The following SKIC3 variants were observed in gnomAD, a reference collection of about 807,000 sequenced individuals.
SKIC3 encodes the protein superkiller complex protein 3.
the SKIC3 span, among the ~76,000 whole-genome samples, chr5:95,485,374 A>G: frequency 6.6e-6 from 1 of 152,206 alleles, no homozygotes; most frequent in South Asian, 2.1e-4. Context: ...CAAATTTCAT[A>G]TAAGTGGAAT....
the SKIC3 span, among the ~76,000 whole-genome samples, chr5:95,523,994 G>T: frequency 6.6e-6 from 1 of 152,186 alleles, no homozygotes; most frequent in South Asian, 2.1e-4. Context: ...ATTTAAAACA[G>T]ACAGGAAAGC....
chr5:95,514,916 T>C, the SKIC3 span: 2 of 1,612,388 alleles, frequency 1.2e-6, 1 homozygote. Flanking sequence ...GAAAGCCTCA[T>C]GAGCTTGCTA....
the SKIC3 span, among the ~76,000 whole-genome samples, chr5:95,481,235 G>A: frequency 2.0e-5 from 3 of 152,058 alleles, no homozygotes; most frequent in East Asian, 3.9e-4. Flanking sequence ...GTTATGGGAG[G>A]GATCTGGTAG....
At chr5:95,541,966 CATTT>C in the SKIC3 span, 45 of 1,075,670 alleles carry the variant, frequency 4.2e-5, no homozygotes, top group African/African-American at 5.8e-4. Flanking sequence ...TTCTCACATT[CATTT>C]ATTTTGCTAA....
At chr5:95,514,243 A>AG in the SKIC3 span, among the ~76,000 whole-genome samples, 3 of 152,186 alleles carry the variant, frequency 2.0e-5, no homozygotes, top group African/African-American at 7.2e-5. Context: ...CACTCAGTCT[A>AG]ATCCCCTTCT....
chr5:95,543,969 A>G, the SKIC3 span, among the ~76,000 whole-genome samples: 1 of 152,262 alleles, frequency 6.6e-6, no homozygotes, highest in Non-Finnish European at 1.5e-5. Flanking sequence ...TGTTCTAGGG[A>G]AAGAAAAACA....
At chr5:95,491,161 T>G in the SKIC3 span, 334 of 1,364,472 alleles carry the variant, frequency 2.4e-4, 1 homozygote, top group Middle Eastern at 1.8e-4. Flanking sequence ...AATTTCACTT[T>G]CTCAAAGGAA....
chr5:95,523,210 T>G, the SKIC3 span: 3 of 1,613,830 alleles, frequency 1.9e-6, no homozygotes, highest in Non-Finnish European at 1.7e-6. Context: ...ACTCAGCCAC[T>G]GCTTGAGAAT....
chr5:95,508,436 C>T, the SKIC3 span, among the ~76,000 whole-genome samples: 2 of 152,202 alleles, frequency 1.3e-5, no homozygotes, highest in Non-Finnish European at 2.9e-5. Context: ...TTGTAGCACA[C>T]TGGCTTTCTT....
the SKIC3 span, chr5:95,529,982 C>A: frequency 6.4e-6 from 9 of 1,396,462 alleles, no homozygotes; most frequent in South Asian, 1.1e-4. Context: ...TACATTTTTT[C>A]CCTTCCACCT....
chr5:95,503,671 T>G, the SKIC3 span: 3 of 1,082,032 alleles, frequency 2.8e-6, no homozygotes, highest in African/African-American at 4.7e-5. Context: ...AAAAAGTGCC[T>G]AGTATTGCTG....
At chr5:95,550,236 T>C in the SKIC3 span, among the ~76,000 whole-genome samples, 7 of 152,014 alleles carry the variant, frequency 4.6e-5, no homozygotes, top group Non-Finnish European at 4.4e-5. Context: ...ATAAAGGCAA[T>C]GATATTCCTC....
At chr5:95,492,508 G>C in the SKIC3 span, among the ~76,000 whole-genome samples, 1 of 144,708 alleles carries the variant, frequency 6.9e-6, no homozygotes, top group African/African-American at 2.5e-5. Flanking sequence ...GTAGTGGCGG[G>C]CGCCTGTAGT....
the SKIC3 span, among the ~76,000 whole-genome samples, chr5:95,476,745 G>GA: frequency 3.9e-5 from 6 of 152,236 alleles, no homozygotes; most frequent in East Asian, 1.2e-3. Context: ...GGCTCTTAGA[G>GA]AAAATACTTC....
chr5:95,510,257 C>T, the SKIC3 span, among the ~76,000 whole-genome samples: 4 of 152,210 alleles, frequency 2.6e-5, no homozygotes, highest in Non-Finnish European at 5.9e-5. Flanking sequence ...CATCTTGCTT[C>T]TAACCTCCAT....
the SKIC3 span, chr5:95,469,893 A>G: frequency 6.2e-7 from 1 of 1,614,162 alleles, no homozygotes; most frequent in South Asian, 1.1e-5. Flanking sequence ...ATGGCCAGTG[A>G]TCATTGGAAA....
chr5:95,554,665 T>C, the SKIC3 span, among the ~76,000 whole-genome samples: 4 of 152,116 alleles, frequency 2.6e-5, no homozygotes, highest in Non-Finnish European at 5.9e-5. Context: ...AGGCTAGAGA[T>C]TTCCCTGGGA....
chr5:95,530,624 G>A, the SKIC3 span, among the ~76,000 whole-genome samples: 76 of 152,290 alleles, frequency 5.0e-4, no homozygotes, highest in African/African-American at 1.8e-3. Context: ...AGACATGTTA[G>A]TCAGATCCAG....
the SKIC3 span, among the ~76,000 whole-genome samples, chr5:95,505,507 A>AT: frequency 6.6e-6 from 1 of 152,092 alleles, no homozygotes; most frequent in Non-Finnish European, 1.5e-5. Context: ...TCTATCTGAA[A>AT]TTTTTTTGGA....
Sources: gnomAD v4.1 joint callset for allele counts (sites outside exome capture counted in the v4.1 genomes callset) on GRCh38, gnomAD v4.1.1 for gene constraint, MANE v1.5 for transcripts, NCBI Gene and HGNC (gene_info 2026-07-23, HGNC 2026-07-21) for gene names.